CNTNAP5: variants seen among roughly 807,000 people sequenced by gnomAD.
CNTNAP5 encodes contactin associated protein family member 5, also known as contactin-associated protein-like 5.
In CNTNAP5, 72 loss-of-function variants were observed where a neutral mutation model predicts 150.2. The observed-to-expected ratio is 0.48, with a 90% CI of 0.40 to 0.58. The LOEUF (loss-of-function observed/expected upper bound fraction) is 0.58, where lower values mean the gene tolerates loss of function less well. Among genes scored for constraint, CNTNAP5 ranks in the 20% least tolerant of loss-of-function variants. The pLI is 0.00. For missense variants in CNTNAP5, 1,636 were observed against 1,626.2 expected (o/e 1.01, Z -0.10); for synonymous variants, 672 against 619.8 (o/e 1.08, Z -1.25).
At chr2:124,867,577 C>G (rs186518724) in intron 20 of CNTNAP5, among the ~76,000 whole-genome samples, 1 of 152,158 alleles carries the variant, frequency 6.6e-6, no homozygotes, top group Admixed American at 6.6e-5. Context: ...ATACAACTCT[C>G]GCCTGTTGAT....
chr2:124,025,885 T>C (rs1680873918), intron 1 of CNTNAP5, among the ~76,000 whole-genome samples, 153 bp downstream of exon 1: 1 of 152,124 alleles, frequency 6.6e-6, no homozygotes, highest in African/African-American at 2.4e-5. Context: ...ACTCCAACCA[T>C]CCCAAAAGTT....
At chr2:124,407,624 T>A (rs1034145538) in intron 3 of CNTNAP5, among the ~76,000 whole-genome samples, 1 of 152,222 alleles carries the variant, frequency 6.6e-6, no homozygotes, top group African/African-American at 2.4e-5. Flanking sequence ...AGCAGTAAAC[T>A]ATTTTCAGGG....
chr2:124,572,379 G>A (rs542523767), intron 11 of CNTNAP5, among the ~76,000 whole-genome samples: 11 of 152,224 alleles, frequency 7.2e-5, no homozygotes, highest in African/African-American at 2.6e-4. Flanking sequence ...TAATACCTGA[G>A]TGATGAAATA....
intron 3 of CNTNAP5, among the ~76,000 whole-genome samples, chr2:124,255,991 T>C (rs898723363): frequency 6.6e-6 from 1 of 152,202 alleles, no homozygotes; most frequent in African/African-American, 2.4e-5. Flanking sequence ...TATAACATCT[T>C]TTAACTGTGT....
At chr2:124,879,784 G>A (rs555176000) in intron 21 of CNTNAP5, among the ~76,000 whole-genome samples, 19 of 152,210 alleles carry the variant, frequency 1.2e-4, no homozygotes, top group African/African-American at 4.3e-4. Context: ...CTTCCTTGCC[G>A]ATGGCTCTGC....
At chr2:124,615,547 C>A (rs1044405867) in intron 12 of CNTNAP5, among the ~76,000 whole-genome samples, 2 of 152,098 alleles carry the variant, frequency 1.3e-5, no homozygotes, top group African/African-American at 4.8e-5. Context: ...CTATTTCCAC[C>A]AAATCTGCAG....
chr2:124,424,822 TAAAC>T (rs1443962957), intron 4 of CNTNAP5, among the ~76,000 whole-genome samples: 2 of 152,142 alleles, frequency 1.3e-5, no homozygotes, highest in African/African-American at 4.8e-5. Flanking sequence ...AAAAGGTAGA[TAAAC>T]AAATGCTCAT....
chr2:124,288,359 T>G (rs796708361), intron 3 of CNTNAP5, among the ~76,000 whole-genome samples: 3 of 152,284 alleles, frequency 2.0e-5, no homozygotes, highest in African/African-American at 7.2e-5. Context: ...GTAAATCAAG[T>G]CAATCAATTA....
At chr2:124,341,253 A>T (rs1689607187) in intron 3 of CNTNAP5, among the ~76,000 whole-genome samples, 1 of 152,144 alleles carries the variant, frequency 6.6e-6, no homozygotes, top group African/African-American at 2.4e-5. Context: ...GCTTACAGAG[A>T]CAACCCCTCC....
intron 3 of CNTNAP5, among the ~76,000 whole-genome samples, chr2:124,297,313 G>A (rs768549515): frequency 3.3e-5 from 5 of 152,130 alleles, no homozygotes; most frequent in Admixed American, 2.0e-4. Flanking sequence ...TTTGACTTCC[G>A]TCGCAGCACC....
chr2:124,333,821 T>C (rs751369920), intron 3 of CNTNAP5, among the ~76,000 whole-genome samples: 1 of 152,144 alleles, frequency 6.6e-6, no homozygotes, highest in Non-Finnish European at 1.5e-5. Flanking sequence ...GGCAAAGTAC[T>C]AAGATCTTTA....
At chr2:124,714,396 A>G (rs1210805882) in intron 13 of CNTNAP5, among the ~76,000 whole-genome samples, 1 of 152,170 alleles carries the variant, frequency 6.6e-6, no homozygotes, top group Non-Finnish European at 1.5e-5. Flanking sequence ...CATCACAGCT[A>G]AATACAACCT....
At position 124,491,384 on chromosome 2, in the gene CNTNAP5, T is replaced by C. The variant is rs922435242; in HGVS notation, c.1063-12908T>C. On this transcript the variant is annotated intron_variant, in intron 7 of 23. Coordinates refer to ENST00000682447, the MANE Select transcript of CNTNAP5 (RefSeq NM_001367498.1). ...CAAATAGCATGGTTTTCCTCTTTCT[T>C]ATATATGTATGTGTGTATATATATA... 3.3e-5 allele frequency among the ~76,000 whole-genome samples: 5 copies of C among 151,998 alleles called. No homozygotes were observed. The East Asian group carries it at 9.6e-4, about 29-fold the overall frequency.
intron 12 of CNTNAP5, among the ~76,000 whole-genome samples, chr2:124,621,854 G>A (rs1343269401): frequency 1.3e-5 from 2 of 152,176 alleles, no homozygotes; most frequent in African/African-American, 4.8e-5. Flanking sequence ...ATATAGCAAA[G>A]TAAGTAGAAT....
intron 11 of CNTNAP5, among the ~76,000 whole-genome samples, chr2:124,584,495 G>A (rs1178522502): frequency 6.6e-6 from 1 of 152,152 alleles, no homozygotes; most frequent in African/African-American, 2.4e-5. Flanking sequence ...TGTAGCTCAT[G>A]GCATATTTGT....
intron 13 of CNTNAP5, among the ~76,000 whole-genome samples, chr2:124,683,072 A>G (rs892864011): frequency 6.6e-6 from 1 of 152,106 alleles, no homozygotes; most frequent in Non-Finnish European, 1.5e-5. Flanking sequence ...TTTTGGGGTA[A>G]AGTCAACTAT....
chr2:124,762,235 T>C (rs1475318825), intron 14 of CNTNAP5, among the ~76,000 whole-genome samples: 1 of 152,152 alleles, frequency 6.6e-6, no homozygotes, highest in Admixed American at 6.6e-5. Context: ...TTGTAGATAT[T>C]GTATGGTATA....
intron 1 of CNTNAP5, among the ~76,000 whole-genome samples, chr2:124,028,167 A>G (rs1243396544): frequency 6.6e-6 from 1 of 152,120 alleles, no homozygotes; most frequent in African/African-American, 2.4e-5. Context: ...AGCCTTGAAA[A>G]TGGATTTACT....
At chr2:124,037,148 A>C (rs1681244581) in intron 1 of CNTNAP5, among the ~76,000 whole-genome samples, 1 of 152,200 alleles carries the variant, frequency 6.6e-6, no homozygotes, top group Non-Finnish European at 1.5e-5. Context: ...TTAGCTGTTT[A>C]TAAAAGTTGC....
Sources: gnomAD v4.1 joint callset for allele counts (sites outside exome capture counted in the v4.1 genomes callset) on GRCh38, gnomAD v4.1.1 for gene constraint, MANE v1.5 for transcripts, NCBI Gene and HGNC (gene_info 2026-07-23, HGNC 2026-07-21) for gene names.